The following SLC44A1 variants were observed in gnomAD, a reference collection of about 807,000 sequenced individuals.
SLC44A1 encodes solute carrier family 44 member 1.
Under a neutral mutation model 79.3 loss-of-function variants are expected in SLC44A1, and 26 were observed. The ratio of observed to expected loss-of-function variants is 0.33; its 90% confidence interval spans 0.24 to 0.46. The LOEUF (loss-of-function observed/expected upper bound fraction) is 0.46, where lower values mean the gene tolerates loss of function less well. Ranked by LOEUF, SLC44A1 falls within the 20% of genes least tolerant of loss-of-function variation. SLC44A1 has a pLI of 1.00. For synonymous variants in SLC44A1, 263 were observed against 286.2 expected (o/e 0.92, Z 0.82); for missense variants, 688 against 798.1 (o/e 0.86, Z 1.66).
At chr9:105,382,223 A>C (rs770915695) in intron 13 of SLC44A1, among the ~76,000 whole-genome samples, 1 of 152,128 alleles carries the variant, frequency 6.6e-6, no homozygotes, top group African/African-American at 2.4e-5. Context: ...GTGTGTTTCC[A>C]AGGCTATAAA....
intron 4 of SLC44A1, among the ~76,000 whole-genome samples, chr9:105,343,924 A>G (rs928374326): frequency 6.6e-6 from 1 of 152,212 alleles, no homozygotes; most frequent in East Asian, 1.9e-4. Flanking sequence ...AGACGATGCC[A>G]CATTCTTACC....
chr9:105,438,292 G>T (rs2131531435), exon 16 of SLC44A1: 1 of 1,550,314 alleles, frequency 6.5e-7, no homozygotes, highest in South Asian at 1.2e-5. Flanking sequence ...TGAAGAAAAG[G>T]TGACTGGTCT....
At chr9:105,310,469 C>T (rs541292197) in intron 3 of SLC44A1, among the ~76,000 whole-genome samples, 22 of 152,228 alleles carry the variant, frequency 1.4e-4, no homozygotes, top group African/African-American at 4.8e-4. Flanking sequence ...AAATAGATTT[C>T]ATCTAGCATA....
chr9:105,354,039 C>CTTTTTTTTTTTTTTTTTTTTTGT (rs1827536009), intron 5 of SLC44A1, among the ~76,000 whole-genome samples: 1 of 98,484 alleles, frequency 1.0e-5, no homozygotes. Flanking sequence ...ACAGTTAATC[C>CTTTTTTTTTTTTTTTTTTTTTGT]TTTTTTTTTT....
intron 3 of SLC44A1, among the ~76,000 whole-genome samples, chr9:105,315,573 G>C (rs899120212): frequency 6.6e-6 from 1 of 152,118 alleles, no homozygotes; most frequent in Non-Finnish European, 1.5e-5. Context: ...TATGAAAACT[G>C]TGCTCACACT....
chr9:105,335,709 T>C lies in SLC44A1; in HGVS notation c.406+10T>C. 1 of 1,610,732 alleles carries C rather than the reference T, an allele frequency of 6.2e-7. No individual in the cohort carries two copies. Among genetic ancestry groups the C allele is most frequent in the Non-Finnish European group, 8.5e-7 (1 of 1,178,266 alleles). On this transcript the variant is annotated intron_variant, in intron 4 of 15. Transcript: ENST00000374720. The stretch of plus-strand genomic sequence containing the variant: ...TTTGCAGAGATAAATGGTGAGACAT[T>C]AGGCCATCCAAATCTATGTCCTGTC...
At chr9:105,370,762 A>C (rs1303563195) in intron 12 of SLC44A1, among the ~76,000 whole-genome samples, 1 of 152,220 alleles carries the variant, frequency 6.6e-6, no homozygotes, top group East Asian at 1.9e-4. Context: ...GTCTCAAGGA[A>C]ATTCATGGTA....
Position 105,418,102 on chromosome 9 carries a change from G to A in SLC44A1, c.1951-20179G>A, listed in dbSNP as rs531335118. ...AGGCCGAGGCGGGCGGATCACCTGA[G>A]GTCAGGAGTTCAAGACCAGCCTGGC... On this transcript the variant is annotated intron_variant, in intron 15 of 15. Transcript: ENST00000374724. 2.2e-4 allele frequency among the ~76,000 whole-genome samples: 34 copies of A among 151,456 alleles called. No homozygotes were observed. In the East Asian group the frequency reaches 6.3e-3, roughly 28 times the overall value.
intron 1 of SLC44A1, among the ~76,000 whole-genome samples, chr9:105,283,875 C>T (rs1358710412): frequency 1.3e-5 from 2 of 152,268 alleles, no homozygotes; most frequent in East Asian, 1.9e-4. Context: ...TTGCACTCCA[C>T]TTGTCAACCT....
intron 4 of SLC44A1, among the ~76,000 whole-genome samples, chr9:105,337,995 A>T (rs1826975790): frequency 6.6e-6 from 1 of 152,232 alleles, no homozygotes; most frequent in Non-Finnish European, 1.5e-5. Context: ...ATGAATAAAC[A>T]TTATTTCAGC....
Position 105,383,365 on chromosome 9 carries a change from T to C in SLC44A1, c.1869+6T>C. On this transcript the variant is annotated splice_donor_region_variant and intron_variant, in intron 14 of 15. Coordinates refer to ENST00000374720, the MANE Select transcript of SLC44A1 (RefSeq NM_080546.5). The stretch of plus-strand genomic sequence containing the variant: ...ATATGGATAAAGTGCTGATGGTAAG[T>C]ACTTCAAATGCCGTTTCCTATTTTA... 4 of 1,457,370 alleles carry C rather than the reference T, an allele frequency of 2.7e-6. No homozygotes were observed. Among genetic ancestry groups the C allele is most frequent in the Non-Finnish European group, 3.9e-6 (4 of 1,037,260 alleles). 90.3% of individuals were successfully genotyped at this position (1,457,370 alleles called of 1,614,324 possible). A position where few individuals can be genotyped will look rare whatever the true frequency, so the allele number is the denominator to read the frequency against.
chr9:105,292,098 A>G (rs1428071223), intron 1 of SLC44A1, among the ~76,000 whole-genome samples: 2 of 152,166 alleles, frequency 1.3e-5, no homozygotes, highest in Admixed American at 1.3e-4. Context: ...CCCTGGGACC[A>G]GCCTCCGAGG....
intron 15 of SLC44A1, among the ~76,000 whole-genome samples, chr9:105,406,505 C>G (rs559239569): frequency 3.2e-4 from 48 of 152,278 alleles, no homozygotes; most frequent in African/African-American, 1.2e-3. Context: ...CCTTGGGAGG[C>G]TGAGGCAGGA....
chr9:105,275,746 GC>G (rs1830183773), intron 1 of SLC44A1, among the ~76,000 whole-genome samples: 1 of 151,696 alleles, frequency 6.6e-6, no homozygotes, highest in Non-Finnish European at 1.5e-5. Flanking sequence ...ACTGCTTTTT[GC>G]CCCCTGTAGT....
chr9:105,401,281 A>G (rs1257960267), downstream of SLC44A1, among the ~76,000 whole-genome samples: 1 of 152,234 alleles, frequency 6.6e-6, no homozygotes, highest in Non-Finnish European at 1.5e-5. Flanking sequence ...TTTAACAGGA[A>G]AAAATTATAT....
intron 2 of SLC44A1, among the ~76,000 whole-genome samples, chr9:105,301,285 T>A (rs574681394): frequency 4.6e-5 from 7 of 152,194 alleles, no homozygotes; most frequent in African/African-American, 1.7e-4. Flanking sequence ...GACTAAGGAG[T>A]TATTTGTTTA....
intron 15 of SLC44A1, among the ~76,000 whole-genome samples, chr9:105,414,057 T>C (rs1829134282): frequency 6.6e-6 from 1 of 151,924 alleles, no homozygotes; most frequent in African/African-American, 2.4e-5. Flanking sequence ...TTGGTTTTTT[T>C]TTTTTTTGTA....
rs764033843 is a variant in SLC44A1 at position 105,393,064 on chromosome 9, AC to A, written c.*4009del. The A allele has an allele frequency of 8.4e-5, 83 of 985,168 alleles. No homozygotes were observed. The highest frequency in any genetic ancestry group is 9.8e-5 in the Non-Finnish European group (81 of 829,784). The allele number at this position is 985,168 out of a possible 1,614,324, so 61.0% of individuals were successfully genotyped here. ...TTTTCATACATTCCATCTGACACATACGAGTGCACTATAATGGCTTGCCTAG... is the reference window on the plus strand; with the variant it reads ...TTTTCATACATTCCATCTGACACATAGAGTGCACTATAATGGCTTGCCTAG... On this transcript the variant is annotated 3_prime_UTR_variant, in exon 16 of 16. Transcript: ENST00000374720.
chr9:105,295,741 C>T (rs564110441), intron 1 of SLC44A1, among the ~76,000 whole-genome samples: 127 of 151,944 alleles, frequency 8.4e-4, no homozygotes, highest in Non-Finnish European at 9.7e-4. Flanking sequence ...GCTTTGGAGT[C>T]ACAGACTTGG....
Sources: allele counts gnomAD v4.1 joint callset (sites outside exome capture counted in the v4.1 genomes callset), GRCh38; gene constraint gnomAD v4.1.1; transcripts MANE v1.5; gene names NCBI Gene and HGNC (gene_info 2026-07-23, HGNC 2026-07-21).